Variants in TAFA4 observed in about 807,000 individuals in gnomAD.
TAFA4 encodes the protein chemokine-like protein TAFA-4.
TAFA4 carries 20 observed loss-of-function variants against 21.1 expected under a neutral mutation model. The ratio of observed to expected loss-of-function variants is 0.95; its 90% confidence interval spans 0.67 to 1.38. The LOEUF is 1.38. Ranked by LOEUF, TAFA4 falls within the 40% of genes most tolerant of loss-of-function variation. The pLI, the probability that TAFA4 is intolerant of heterozygous loss-of-function variation, is 0.00. For synonymous variants in TAFA4, 71 were observed against 67.4 expected (o/e 1.05, Z -0.26); for missense variants, 211 against 180.9 (o/e 1.17, Z -0.95).
At chr3:68,829,909 G>A (rs1410116115) in intron 3 of TAFA4, among the ~76,000 whole-genome samples, 1 of 152,162 alleles carries the variant, frequency 6.6e-6, no homozygotes. Flanking sequence ...TCCTGGTTTA[G>A]TCTTGGGAGG....
intron 4 of TAFA4, among the ~76,000 whole-genome samples, chr3:68,748,159 T>A (rs114054280): frequency 0.019 from 2,860 of 152,318 alleles, 102 homozygotes; most frequent in African/African-American, 0.065. Context: ...TTATCATGCT[T>A]CCATCTGGCA....
chr3:68,844,552 T>G (rs1704742496), intron 3 of TAFA4, among the ~76,000 whole-genome samples: 1 of 152,174 alleles, frequency 6.6e-6, no homozygotes, highest in Non-Finnish European at 1.5e-5. Flanking sequence ...ATTTCTTGCC[T>G]TCTGCTAGCT....
chr3:68,769,164 G>A (rs1471916240), intron 3 of TAFA4, among the ~76,000 whole-genome samples: 1 of 152,096 alleles, frequency 6.6e-6, no homozygotes, highest in Admixed American at 6.6e-5. Context: ...ATTACTGCCT[G>A]AGCACTGCCT....
At chr3:68,758,832 T>C (rs1182320918) in intron 3 of TAFA4, among the ~76,000 whole-genome samples, 3 of 152,260 alleles carry the variant, frequency 2.0e-5, no homozygotes, top group East Asian at 3.8e-4. Flanking sequence ...GCTCGTGTTA[T>C]AACATTGTAT....
intron 3 of TAFA4, among the ~76,000 whole-genome samples, chr3:68,792,851 C>A (rs529413053): frequency 2.0e-4 from 30 of 152,258 alleles, no homozygotes; most frequent in African/African-American, 7.0e-4. Flanking sequence ...GAAACTCAGA[C>A]CTTTCATCTT....
chr3:68,926,124 C>A (rs1344729940), intron 1 of TAFA4, among the ~76,000 whole-genome samples: 1 of 151,516 alleles, frequency 6.6e-6, no homozygotes, highest in Non-Finnish European at 1.5e-5. Flanking sequence ...CCCAGCTACT[C>A]AGGAGGCTGA....
intron 1 of TAFA4, among the ~76,000 whole-genome samples, chr3:68,927,447 G>A (rs778497119): frequency 7.9e-5 from 12 of 152,036 alleles, no homozygotes; most frequent in Non-Finnish European, 4.4e-5. Context: ...TGACAGCTCC[G>A]CCTTTTGTTA....
intron 1 of TAFA4, among the ~76,000 whole-genome samples, chr3:68,904,354 C>T (rs2089876421): frequency 6.6e-6 from 1 of 152,158 alleles, no homozygotes; most frequent in Non-Finnish European, 1.5e-5. Context: ...TAGCGAGTTG[C>T]TCAGTAAACA....
At chr3:68,870,583 TTTTAC>T (rs1385192523) in intron 3 of TAFA4, among the ~76,000 whole-genome samples, 3 of 152,008 alleles carry the variant, frequency 2.0e-5, no homozygotes, top group African/African-American at 4.8e-5. Context: ...TTAATTTTTA[TTTTAC>T]TTTAAAGTTC....
intron 1 of TAFA4, among the ~76,000 whole-genome samples, chr3:68,930,447 G>C (rs1446427264): frequency 6.6e-6 from 1 of 152,196 alleles, no homozygotes; most frequent in East Asian, 1.9e-4. Flanking sequence ...ATTGTGACTT[G>C]AAGCCTTATA....
Position 68,749,885 on chromosome 3 carries a change from C to T in TAFA4, c.286+2978G>A, listed in dbSNP as rs569105467. ...TCAAATGCTCCATAGCCACGGGTGGCTAATGGCTACTAGCCACACTGGACA... is the reference window on the plus strand; with the variant it reads ...TCAAATGCTCCATAGCCACGGGTGGTTAATGGCTACTAGCCACACTGGACA... On this transcript the variant is annotated intron_variant, in intron 4 of 5. Transcript: ENST00000295569. Among the ~76,000 whole-genome samples, 14 of 152,280 alleles carry T rather than the reference C, an allele frequency of 9.2e-5. No homozygotes were observed. In the East Asian group the frequency reaches 2.5e-3, roughly 27 times the overall value.
chr3:68,835,040 G>A (rs1704490771), intron 3 of TAFA4, among the ~76,000 whole-genome samples: 1 of 152,136 alleles, frequency 6.6e-6, no homozygotes, highest in African/African-American at 2.4e-5. Context: ...GGGAAGTGCA[G>A]TATTCACTCC....
At chr3:68,856,626 C>A (rs1417084577) in intron 3 of TAFA4, among the ~76,000 whole-genome samples, 1 of 152,024 alleles carries the variant, frequency 6.6e-6, no homozygotes, top group Non-Finnish European at 1.5e-5. Context: ...GAGGCAGGAA[C>A]CTTGAGATAA....
chr3:68,878,697 A>G (rs1201255859), intron 3 of TAFA4, among the ~76,000 whole-genome samples: 2 of 152,170 alleles, frequency 1.3e-5, no homozygotes, highest in Admixed American at 1.3e-4. Flanking sequence ...TGTGTATGTG[A>G]TCTCCTGCCT....
chr3:68,887,667 T>C (rs551683921), intron 1 of TAFA4, among the ~76,000 whole-genome samples: 51 of 152,218 alleles, frequency 3.4e-4, no homozygotes, highest in African/African-American at 1.2e-3. Flanking sequence ...ACTTGTGCCC[T>C]CTGAAGCTCT....
rs568917947 is a variant in TAFA4 at position 68,889,593 on chromosome 3, C to T, written c.-122-4283G>A. On this transcript the variant is annotated intron_variant, in intron 1 of 5. Transcript: ENST00000295569. ...CTCCACATATGAATCTGCAGGGCAT[C>T]ACATTTCCCCCATCTTTTCACTCTA... is the stretch of plus-strand genomic sequence containing the variant. 2.6e-5 allele frequency among the ~76,000 whole-genome samples: 4 copies of T among 152,264 alleles called. No homozygotes were observed. In the East Asian group the frequency reaches 7.7e-4, roughly 29 times the overall value.
At chr3:68,783,494 C>G (rs908829137) in intron 3 of TAFA4, among the ~76,000 whole-genome samples, 1 of 151,686 alleles carries the variant, frequency 6.6e-6, no homozygotes, top group African/African-American at 2.4e-5. Context: ...TTTAGGAAAA[C>G]AAGAAAAAGA....
chr3:68,881,789 G>T (rs1309716662), intron 2 of TAFA4, among the ~76,000 whole-genome samples: 1 of 152,076 alleles, frequency 6.6e-6, no homozygotes, highest in Non-Finnish European at 1.5e-5. Context: ...CCTGAGTTTG[G>T]CTTCTTGCCT....
chr3:68,829,617 G>C (rs780163015), intron 3 of TAFA4, among the ~76,000 whole-genome samples: 1 of 152,146 alleles, frequency 6.6e-6, no homozygotes, highest in African/African-American at 2.4e-5. Context: ...TTTTCGCATC[G>C]ATGTTCATCA....
Sources: allele counts gnomAD v4.1 joint callset (sites outside exome capture counted in the v4.1 genomes callset), GRCh38; gene constraint gnomAD v4.1.1; transcripts MANE v1.5; gene names NCBI Gene and HGNC (gene_info 2026-07-23, HGNC 2026-07-21).